CPSF2: variants seen among roughly 807,000 people sequenced by gnomAD.
CPSF2 encodes the protein cleavage and polyadenylation specific factor 2, also known as cleavage and polyadenylation specificity factor subunit 2.
A neutral mutation model predicts 84.2 loss-of-function variants in CPSF2; 51 were observed. That is an observed-to-expected ratio of 0.61 (90% CI 0.48 to 0.77). The LOEUF is 0.77. CPSF2 is among the 30% of genes least tolerant of loss of function. CPSF2 has a pLI of 0.00. For missense variants in CPSF2, 641 were observed against 929.4 expected (o/e 0.69, Z 4.03); for synonymous variants, 286 against 311.9 (o/e 0.92, Z 0.87).
chr14:92,122,853 C>CT (rs71123318), intron 1 of CPSF2, among the ~76,000 whole-genome samples: 26,553 of 141,090 alleles, frequency 0.19, 2,647 homozygotes, highest in East Asian at 0.4. Flanking sequence ...TTTTTTCTTT[C>CT]TTTTTTTTTT....
chr14:92,145,479 T>C (rs2069132124), intron 9 of CPSF2, among the ~76,000 whole-genome samples: 1 of 152,222 alleles, frequency 6.6e-6, no homozygotes, highest in Admixed American at 6.5e-5. Flanking sequence ...GTCTGCCAAC[T>C]CTACTTAAGA....
intron 1 of CPSF2, among the ~76,000 whole-genome samples, 175 bp from the exon 2 acceptor site, chr14:92,125,947 T>C (rs997550671): frequency 1.3e-5 from 2 of 152,220 alleles, no homozygotes; most frequent in African/African-American, 2.4e-5. Context: ...TTATCTGTTA[T>C]GTAAGCTTAA....
intron 14 of CPSF2, 117 bp downstream of exon 14, chr14:92,159,399 AT>A: frequency 1.4e-6 from 1 of 736,544 alleles, no homozygotes; most frequent in Non-Finnish European, 2.2e-6. Context: ...AACCTTTTAT[AT>A]TTTTAACCAT....
chr14:92,140,494 G>A (rs1464643418), intron 7 of CPSF2, among the ~76,000 whole-genome samples: 3 of 147,904 alleles, frequency 2.0e-5, no homozygotes, highest in South Asian at 2.2e-4. Context: ...GTGCAGTGGC[G>A]CGATCTCGGC....
chr14:92,157,044 T>A lies in CPSF2; in HGVS notation c.1595+413T>A, dbSNP rs538037335. On this transcript the variant is annotated intron_variant, in intron 12 of 15. Transcript: ENST00000298875. The surrounding 1 kb of genome is among the most constrained non-coding windows in gnomAD (Gnocchi z 4.0). The stretch of plus-strand genomic sequence containing the variant: ...TAAGACCCTAATGTCTGGAAAATAC[T>A]GTTGTGATCTGAAGTAGTTAGAAAC... 2.2e-4 allele frequency among the ~76,000 whole-genome samples: 33 copies of A among 152,352 alleles called. No homozygotes were observed. The highest frequency in any genetic ancestry group is 4.1e-4 in the Non-Finnish European group (28 of 68,034).
At chr14:92,156,297 C>CA (rs2069289095) in intron 11 of CPSF2, among the ~76,000 whole-genome samples, 182 bp from the exon 12 acceptor site, 1 of 151,808 alleles carries the variant, frequency 6.6e-6, no homozygotes, top group African/African-American at 2.4e-5. Context: ...CAAAAAAAAC[C>CA]AAAAAACGCA....
Position 92,167,014 on chromosome 14 carries a change from C to CTTTTTTTTTTTT in CPSF2, c.*5274_*5285dup, listed in dbSNP as rs61186732. The CTTTTTTTTTTTT allele has an allele frequency of 1.6e-5, 2 of 128,958 alleles. No individual in the cohort carries two copies. Among genetic ancestry groups the CTTTTTTTTTTTT allele is most frequent in the African/African-American group, 3.0e-5 (1 of 33,820 alleles). 8.0% of individuals were successfully genotyped at this position (128,958 alleles called of 1,614,324 possible). On this transcript the variant is annotated 3_prime_UTR_variant, in exon 16 of 16. Coordinates refer to ENST00000298875, the MANE Select transcript of CPSF2 (RefSeq NM_017437.3). Reference sequence around the variant, plus strand: ...TTCTGCTTATCGATTTCTTTTTTTTCTTTTTTTTTTTTTTTGAGATAGCAT... The same window carrying CTTTTTTTTTTTT: ...TTCTGCTTATCGATTTCTTTTTTTTCTTTTTTTTTTTTTTTTTTTTTTTTTTTGAGATAGCAT...
Position 92,161,945 on chromosome 14 carries a change from T to C in CPSF2, c.*201T>C, listed in dbSNP as rs573452611. On this transcript the variant is annotated 3_prime_UTR_variant, in exon 16 of 16. Coordinates refer to ENST00000298875, the MANE Select transcript of CPSF2 (RefSeq NM_017437.3). ...GCATTCTATCTTTTGGCTTTCAGAG[T>C]GATAGAGCTCCTAACAGGTGTACAG... The C allele has an allele frequency of 2.0e-5, 9 of 442,478 alleles. No homozygotes were observed. The South Asian group carries it at 3.0e-4, about 15-fold the overall frequency. 27.4% of individuals were successfully genotyped at this position (442,478 alleles called of 1,614,324 possible).
intron 10 of CPSF2, 141 bp from the exon 11 acceptor site, chr14:92,154,979 ATTG>A (rs570579742): frequency 1.8e-4 from 110 of 607,940 alleles, no homozygotes; most frequent in East Asian, 8.2e-4. Flanking sequence ...TATGTGGTCT[ATTG>A]TTGTTGACCG....
chr14:92,158,045 T>C (rs1342435988), intron 13 of CPSF2, among the ~76,000 whole-genome samples, 161 bp downstream of exon 13: 1 of 152,086 alleles, frequency 6.6e-6, no homozygotes, highest in African/African-American at 2.4e-5. Context: ...GAAATACCAT[T>C]TATCATGTTG....
At chr14:92,160,509 TG>T (rs2069358002) in intron 14 of CPSF2, among the ~76,000 whole-genome samples, 1 of 152,198 alleles carries the variant, frequency 6.6e-6, no homozygotes, top group African/African-American at 2.4e-5. Context: ...CAGCCTCTGT[TG>T]TTGGATTCCC....
Position 92,159,185 on chromosome 14 carries a change from A to C in CPSF2, c.2024A>C (p.Gln675Pro), listed in dbSNP as rs376177291. 6 of 1,613,972 alleles carry C rather than the reference A, an allele frequency of 3.7e-6. No homozygotes were observed. Among genetic ancestry groups the C allele is most frequent in the Non-Finnish European group, 5.1e-6 (6 of 1,179,976 alleles). Reference sequence around the variant, plus strand: ...CCCTCAGATTCTAGCGTTATAGCACAACAAAAGGCCATGAAAAGTCTGTTC... The same window carrying C: ...CCCTCAGATTCTAGCGTTATAGCACCACAAAAGGCCATGAAAAGTCTGTTC... Reference protein sequence around the residue: ...EAPSDSSVIAQQKAMKSLFGD... With the variant: ...EAPSDSSVIAPQKAMKSLFGD... The change falls in exon 14 of 16, where the codon CAA becomes CCA. Residue 675 changes from glutamine (Q) to proline (P), a missense_variant. This residue lies in a region of CPSF2 where 430 missense variants were observed against 553.6 expected (regional missense o/e 0.78). Coordinates refer to ENST00000298875, the MANE Select transcript of CPSF2 (RefSeq NM_017437.3).
intron 9 of CPSF2, among the ~76,000 whole-genome samples, chr14:92,148,398 T>C (rs2069169480): frequency 6.6e-6 from 1 of 152,164 alleles, no homozygotes; most frequent in Non-Finnish European, 1.5e-5. Flanking sequence ...AGCAAAACTG[T>C]GTTACATCCA....
rs372526748 is a variant in CPSF2 at position 92,156,524 on chromosome 14, A to G, written c.1488A>G (p.Glu496=). ...LVPELQATEE[E]KSKLESGLTN... ...CAGAGCTTCAAGCTACTGAAGAAGAAAAAAGCAAATTAGAATCTGGTTTGA... is the reference window on the plus strand; with the variant it reads ...CAGAGCTTCAAGCTACTGAAGAAGAGAAAAGCAAATTAGAATCTGGTTTGA... Residue 496 remains glutamate, a synonymous_variant, in exon 12 of 16, where the codon GAA becomes GAG. Coordinates refer to ENST00000298875, the MANE Select transcript of CPSF2 (RefSeq NM_017437.3). The G allele has an allele frequency of 9.3e-6, 15 of 1,613,314 alleles. 1 individual carries two copies. In the South Asian group the frequency reaches 1.2e-4, roughly 13 times the overall value.
chr14:92,135,542 T>G (rs2068987710), intron 6 of CPSF2, 46 bp downstream of exon 6: 1 of 1,526,754 alleles, frequency 6.5e-7, no homozygotes, highest in African/African-American at 1.4e-5. Flanking sequence ...ATTGGTATTA[T>G]TTTATTCTTT....
chr14:92,124,814 G>C (rs1213527203), intron 1 of CPSF2, among the ~76,000 whole-genome samples: 1 of 152,092 alleles, frequency 6.6e-6, no homozygotes, highest in East Asian at 1.9e-4. Flanking sequence ...GTTCTATTGG[G>C]TTAAATAAAA....
rs759767190 is a variant in CPSF2 at position 92,134,049 on chromosome 14, C to G, written c.188C>G (p.Pro63Arg). ...ATTGATGCAGTGCTGTTGTCTCACCCTGATCCTCTCCACCTTGGTGCCCTC... is the reference window on the plus strand; with the variant it reads ...ATTGATGCAGTGCTGTTGTCTCACCGTGATCCTCTCCACCTTGGTGCCCTC... ...HQIDAVLLSH[P>R]DPLHLGALPY... The change falls in exon 4 of 16, where the codon CCT (proline) becomes CGT (arginine). Residue 63 changes from proline (P) to arginine (R), a missense_variant. This residue lies in a region of CPSF2 where 211 missense variants were observed against 375.7 expected (regional missense o/e 0.56). Transcript: ENST00000298875. The G allele has an allele frequency of 6.2e-7, 1 of 1,614,178 alleles. No individual in the cohort carries two copies. Among genetic ancestry groups the G allele is most frequent in the Admixed American group, 1.7e-5 (1 of 60,028 alleles).
intron 15 of CPSF2, 59 bp from the exon 16 acceptor site, chr14:92,161,593 A>T: frequency 8.4e-7 from 1 of 1,194,268 alleles, no homozygotes; most frequent in Non-Finnish European, 1.2e-6. Context: ...TTCGGTTATT[A>T]TGTCTGCATA....
In CPSF2 at chr14:92,162,850, A is replaced by G. The variant is rs1367271852; in HGVS notation, c.*1106A>G. 5.9e-5 allele frequency: 9 copies of G among 152,216 alleles called. No homozygotes were observed. Among genetic ancestry groups the G allele is most frequent in the Non-Finnish European group, 5.9e-5 (4 of 68,038 alleles). 9.4% of individuals were successfully genotyped at this position (152,216 alleles called of 1,614,324 possible). A position where few individuals can be genotyped will look rare whatever the true frequency, so the allele number is the denominator to read the frequency against. On this transcript the variant is annotated 3_prime_UTR_variant, in exon 16 of 16. Coordinates refer to ENST00000298875, the MANE Select transcript of CPSF2 (RefSeq NM_017437.3). ...TAAACTATTGAAACTATTGTAATCC[A>G]TTAATGCTTTTTTAGAATGGCAGAC... is the stretch of plus-strand genomic sequence containing the variant.
Sources: gnomAD v4.1 joint callset for allele counts (sites outside exome capture counted in the v4.1 genomes callset) on GRCh38, gnomAD v4.1.1 for gene constraint, gnomAD v4.1.1 regional missense constraint, Gnocchi (gnomAD v3.1) non-coding constraint, MANE v1.5 for transcripts, NCBI Gene and HGNC (gene_info 2026-07-23, HGNC 2026-07-21) for gene names.